The following WDR59 variants were observed in gnomAD, a reference collection of about 807,000 sequenced individuals.
WDR59 encodes the protein GATOR2 complex protein WDR59.
In WDR59, 100 loss-of-function variants were observed where a neutral mutation model predicts 131.2. The observed-to-expected ratio is 0.76, with a 90% CI of 0.65 to 0.90. The LOEUF (loss-of-function observed/expected upper bound fraction) is 0.90. WDR59 is among the 40% of genes least tolerant of loss of function. The probability of loss-of-function intolerance (pLI) is 0.00; values close to 1 mark genes in which losing one functional copy is unlikely to be tolerated. For synonymous variants in WDR59, 601 were observed against 466.2 expected, an observed-to-expected ratio of 1.29 and a Z score of -3.72; for missense variants, 1,203 against 1,262.2, an observed-to-expected ratio of 0.95 and a Z score of 0.71.
chr16:74,951,258 C>T (rs1408025789), intron 4 of WDR59, among the ~76,000 whole-genome samples, 200 bp downstream of exon 4: 2 of 151,942 alleles, frequency 1.3e-5, no homozygotes, highest in African/African-American at 4.8e-5. Context: ...AACAGCTACG[C>T]GATGGTACTT....
At chr16:74,931,908 G>T (rs2031421009) in intron 8 of WDR59, among the ~76,000 whole-genome samples, 1 of 151,732 alleles carries the variant, frequency 6.6e-6, no homozygotes, top group Non-Finnish European at 1.5e-5. Context: ...TTCCATTACA[G>T]TATCAAGGTA....
chr16:74,914,866 A>C (rs543745422), intron 13 of WDR59, among the ~76,000 whole-genome samples: 12 of 152,348 alleles, frequency 7.9e-5, no homozygotes, highest in Admixed American at 6.5e-4. Flanking sequence ...TGCTGGAATT[A>C]CAGGCGTGAG....
chr16:74,894,359 A>G (rs952221439), intron 18 of WDR59, among the ~76,000 whole-genome samples: 7 of 152,192 alleles, frequency 4.6e-5, no homozygotes, highest in Admixed American at 4.6e-4. Context: ...ATTATTTCTA[A>G]AAGTGATCGT....
At chr16:74,901,392 A>G (rs1318148436) in intron 18 of WDR59, among the ~76,000 whole-genome samples, 2 of 152,010 alleles carry the variant, frequency 1.3e-5, no homozygotes, top group African/African-American at 4.8e-5. Flanking sequence ...AAAAATATGT[A>G]GGAGAAAAAT....
intron 2 of WDR59, chr16:74,959,268 G>A (rs1046700183): frequency 7.1e-6 from 2 of 280,526 alleles, no homozygotes; most frequent in Non-Finnish European, 1.4e-5. Flanking sequence ...ACCAGCCCAG[G>A]AAAAAACAAA....
At chr16:74,913,170 A>C (rs1207309837) in intron 13 of WDR59, among the ~76,000 whole-genome samples, 1 of 151,922 alleles carries the variant, frequency 6.6e-6, no homozygotes, top group Admixed American at 6.6e-5. Context: ...TTCTTGCAGG[A>C]GTCAAGATCC....
rs142545863 is a variant in WDR59, at chr16:74,912,457, T to C, written c.1225-95A>G. On this transcript the variant is annotated intron_variant, in intron 13 of 25. Coordinates refer to ENST00000262144, the MANE Select transcript of WDR59 (RefSeq NM_030581.4). Reference sequence around the variant, plus strand: ...ACTGAACGCTCCATGTTCCTGGTAATTGAATGAAGGGAAAGAGTCTACAAA... The same window carrying C: ...ACTGAACGCTCCATGTTCCTGGTAACTGAATGAAGGGAAAGAGTCTACAAA... 6.7e-4 allele frequency: 873 copies of C among 1,297,602 alleles called. 10 individuals are homozygous for C. In the East Asian group the frequency reaches 0.017, roughly 26 times the overall value. The allele number at this position is 1,297,602 out of a possible 1,614,324, so 80.4% of individuals were successfully genotyped here. A position where few individuals can be genotyped will look rare whatever the true frequency, so the allele number is the denominator to read the frequency against.
At chr16:74,903,731 C>T (rs146583804) in intron 18 of WDR59, among the ~76,000 whole-genome samples, 141 of 152,144 alleles carry the variant, frequency 9.3e-4, no homozygotes, top group South Asian at 1.7e-3. Flanking sequence ...GTAAAGATTA[C>T]GGACCATAAG....
Position 74,885,728 on chromosome 16 carries a change from G to A in WDR59, c.2614C>T (p.Arg872Cys), listed in dbSNP as rs140995093. Residue 872 changes from arginine to cysteine, a missense_variant, in exon 25 of 26, where the codon CGT becomes TGT. Physicochemically the swap from Arg to Cys is radical, Grantham distance 180. Transcript: ENST00000262144. ...FKKCYGEILY[R>C]WGLREKRAEV... ...GCTCGCTTCTCTCTCAGACCCCAAC[G>A]GTAGAGGATTTCCCCATAGCATTTC... The A allele has an allele frequency of 1.3e-5, 21 of 1,614,120 alleles. No individual in the cohort carries two copies. The highest frequency in any genetic ancestry group is 5.3e-5 in the African/African-American group (4 of 75,024).
At chr16:74,945,626 G>A (rs1217659363) in intron 6 of WDR59, among the ~76,000 whole-genome samples, 1 of 152,078 alleles carries the variant, frequency 6.6e-6, no homozygotes, top group African/African-American at 2.4e-5. Flanking sequence ...TAAAGCAGGT[G>A]GTGGCGGGGG....
At chr16:74,932,430 TACACACACACACACACAC>T (rs34468583) in intron 8 of WDR59, among the ~76,000 whole-genome samples, 1 of 144,110 alleles carries the variant, frequency 6.9e-6, no homozygotes, top group African/African-American at 2.6e-5. Context: ...ACATAATTTT[TACACACACACACACACAC>T]ACACACACAC....
At chr16:74,976,649 G>A (rs1264065786) in intron 1 of WDR59, among the ~76,000 whole-genome samples, 1 of 152,210 alleles carries the variant, frequency 6.6e-6, no homozygotes, top group East Asian at 1.9e-4. Context: ...CACTGTGTTA[G>A]CCAGGATGGT....
intron 25 of WDR59, among the ~76,000 whole-genome samples, chr16:74,880,768 T>C (rs1030576034): frequency 5.9e-5 from 9 of 152,288 alleles, no homozygotes; most frequent in East Asian, 1.9e-4. Flanking sequence ...TCCCAGCACA[T>C]AGAACAATCA....
At chr16:74,924,709 A>T (rs974357427) in intron 8 of WDR59, among the ~76,000 whole-genome samples, 3 of 152,236 alleles carry the variant, frequency 2.0e-5, no homozygotes, top group Admixed American at 6.5e-5. Context: ...GAAAGCCAAG[A>T]GTGAAACTCG....
chr16:74,908,968 AC>A lies in WDR59; in HGVS notation c.1651del (p.Val551TyrfsTer7). The A allele has an allele frequency of 6.2e-7, 1 of 1,613,768 alleles. No individual in the cohort carries two copies. Among genetic ancestry groups the A allele is most frequent in the Non-Finnish European group, 8.5e-7 (1 of 1,179,944 alleles). On this transcript the variant is annotated frameshift_variant, in exon 17 of 26. Transcript: ENST00000262144. LOFTEE classifies it high-confidence loss of function. ...CATTGTCATGGGCCTTGTGAAATATACCAGGTAACCTAAAGGAGGAGACATC... is the reference window on the plus strand; with the variant it reads ...CATTGTCATGGGCCTTGTGAAATATACAGGTAACCTAAAGGAGGAGACATC... ...GARFCGAGYL[V>X]YFTRPMTMHR... is the part of the protein sequence containing the mutation.
At chr16:74,925,973 C>T (rs8053833) in intron 8 of WDR59, among the ~76,000 whole-genome samples, 36,788 of 140,822 alleles carry the variant, frequency 0.26, 4,669 homozygotes, top group Middle Eastern at 0.36. Context: ...CAACAGAGCA[C>T]GATCCTGTCT....
intron 1 of WDR59, among the ~76,000 whole-genome samples, chr16:74,974,527 G>T (rs2034110961): frequency 6.6e-6 from 1 of 152,130 alleles, no homozygotes; most frequent in Non-Finnish European, 1.5e-5. Flanking sequence ...CGGGCATGAG[G>T]CTACTACTAT....
At chr16:74,917,322 G>A (rs1158028547) in intron 11 of WDR59, among the ~76,000 whole-genome samples, 1 of 152,184 alleles carries the variant, frequency 6.6e-6, no homozygotes, top group Non-Finnish European at 1.5e-5. Flanking sequence ...AGCCCATTTA[G>A]AAGAGAAAGA....
rs1258541692 is a variant in WDR59 at position 74,956,351 on chromosome 16, CATCCA to C, written c.240+119_240+123del. On this transcript the variant is annotated intron_variant, in intron 3 of 25. Coordinates refer to ENST00000262144, the MANE Select transcript of WDR59 (RefSeq NM_030581.4). ...CTTGCCTCTGTCTTTTTCTCAGAACCATCCAAACCTCTTTTCCAAATGAGCAATGA... is the reference window on the plus strand; with the variant it reads ...CTTGCCTCTGTCTTTTTCTCAGAACCAACCTCTTTTCCAAATGAGCAATGA... 6 of 1,288,454 alleles carry C rather than the reference CATCCA, an allele frequency of 4.7e-6. No individual in the cohort carries two copies. In the African/African-American group the frequency reaches 7.5e-5, roughly 16 times the overall value. The allele number at this position is 1,288,454 out of a possible 1,614,324, so 79.8% of individuals were successfully genotyped here.
Sources: allele counts gnomAD v4.1 joint callset (sites outside exome capture counted in the v4.1 genomes callset), GRCh38; gene constraint gnomAD v4.1.1; transcripts MANE v1.5; gene names NCBI Gene and HGNC (gene_info 2026-07-23, HGNC 2026-07-21).